SUMF1: variants seen among roughly 807,000 people sequenced by gnomAD.
The protein encoded by SUMF1 is sulfatase modifying factor 1.
In SUMF1, 48 loss-of-function variants were observed where a neutral mutation model predicts 47.6. The observed-to-expected ratio is 1.01, with a 90% CI of 0.80 to 1.28. SUMF1 has a LOEUF of 1.28. Ranked by LOEUF, SUMF1 falls within the 50% of genes most tolerant of loss-of-function variation. SUMF1 has a pLI of 0.00. For synonymous variants in SUMF1, 230 were observed against 192.1 expected, an observed-to-expected ratio of 1.20 and a Z score of -1.63; for missense variants, 571 against 485.4, an observed-to-expected ratio of 1.18 and a Z score of -1.66.
intron 8 of SUMF1, chr3:4,303,897 G>C: frequency 8.0e-7 from 1 of 1,243,122 alleles, no homozygotes; most frequent in Non-Finnish European, 1.0e-6. Context: ...CCTATTAATG[G>C]ATCGCAGCCG....
Position 4,041,927 on chromosome 3 carries a change from G to C in SUMF1, c.1191+26642C>G, listed in dbSNP as rs571054900. Among the ~76,000 whole-genome samples the C allele has an allele frequency of 1.6e-4, 25 of 152,230 alleles. 1 individual carries two copies. The highest frequency in any genetic ancestry group is 1.1e-3 in the Admixed American group (17 of 15,290). On this transcript the variant is annotated intron_variant and NMD_transcript_variant, in intron 9 of 12. Coordinates refer to the SUMF1 transcript ENST00000448413. ...GCTGTTCTTCCAGACCACATGAAAG[G>C]TACTGTCTCAGGCTCCTCATCTGGA...
At chr3:4,351,930 C>T (rs1333806078) in intron 8 of SUMF1, among the ~76,000 whole-genome samples, 1 of 152,166 alleles carries the variant, frequency 6.6e-6, no homozygotes, top group Admixed American at 6.5e-5. Flanking sequence ...TTTTCAAAAT[C>T]TGAAGAAGAA....
chr3:4,081,126 T>C (rs148712267), intron 8 of SUMF1, among the ~76,000 whole-genome samples: 1 of 152,234 alleles, frequency 6.6e-6, no homozygotes, highest in Non-Finnish European at 1.5e-5. Flanking sequence ...AACTTATGTA[T>C]TGCCTCCTAT....
chr3:4,115,612 C>G (rs143033606), intron 8 of SUMF1, among the ~76,000 whole-genome samples: 71 of 152,228 alleles, frequency 4.7e-4, no homozygotes, highest in Admixed American at 3.0e-3. Flanking sequence ...GCGAGCCACA[C>G]CCGCATCGCA....
intron 8 of SUMF1, among the ~76,000 whole-genome samples, chr3:4,134,137 C>T (rs562708091): frequency 6.6e-6 from 1 of 152,108 alleles, no homozygotes; most frequent in Non-Finnish European, 1.5e-5. Context: ...ATCTACAGAA[C>T]TCTCCACCAC....
chr3:4,151,718 AC>A (rs1286230189), intron 8 of SUMF1, among the ~76,000 whole-genome samples: 1 of 149,096 alleles, frequency 6.7e-6, no homozygotes, highest in Non-Finnish European at 1.5e-5. Flanking sequence ...AAAAAAAATC[AC>A]AAAAAAATCT....
At chr3:4,194,531 C>A (rs562997068) in intron 8 of SUMF1, among the ~76,000 whole-genome samples, 1 of 152,276 alleles carries the variant, frequency 6.6e-6, no homozygotes, top group East Asian at 1.9e-4. Context: ...ATAATATTTA[C>A]AGATATGGAT....
At chr3:4,045,455 C>G (rs902041251) in intron 9 of SUMF1, among the ~76,000 whole-genome samples, 5 of 151,698 alleles carry the variant, frequency 3.3e-5, no homozygotes, top group African/African-American at 1.2e-4. Flanking sequence ...TATACCTTGA[C>G]TGATACATGA....
At chr3:4,202,008 G>A (rs1307666733) in intron 8 of SUMF1, among the ~76,000 whole-genome samples, 1 of 151,666 alleles carries the variant, frequency 6.6e-6, no homozygotes. Flanking sequence ...GTTATTAATT[G>A]CTTGTCAGAT....
intron 7 of SUMF1, among the ~76,000 whole-genome samples, chr3:4,390,661 C>A (rs1251128105): frequency 1.3e-5 from 2 of 152,182 alleles, no homozygotes; most frequent in African/African-American, 4.8e-5. Flanking sequence ...TGGCTCACTG[C>A]AGCCTCAACT....
At chr3:4,315,473 A>G (rs1158993060) in intron 8 of SUMF1, among the ~76,000 whole-genome samples, 1 of 152,192 alleles carries the variant, frequency 6.6e-6, no homozygotes, top group Non-Finnish European at 1.5e-5. Flanking sequence ...TGCCTCTGCC[A>G]GAGACAACTG....
At chr3:4,049,710 G>A (rs984222411) in intron 9 of SUMF1, among the ~76,000 whole-genome samples, 7 of 152,066 alleles carry the variant, frequency 4.6e-5, no homozygotes, top group African/African-American at 1.2e-4. Context: ...CTTGCCATTC[G>A]CGGGCAGCTT....
intron 8 of SUMF1, among the ~76,000 whole-genome samples, chr3:4,352,905 T>A (rs1699534391): frequency 6.6e-6 from 1 of 152,158 alleles, no homozygotes; most frequent in South Asian, 2.1e-4. Flanking sequence ...TAAACCCAAT[T>A]CTTTTTGACC....
intron 8 of SUMF1, among the ~76,000 whole-genome samples, chr3:4,156,637 T>A (rs1380839945): frequency 2.0e-5 from 3 of 151,636 alleles, no homozygotes; most frequent in Non-Finnish European, 4.4e-5. Context: ...TTTCTATATT[T>A]AAGTCATATA....
chr3:4,080,342 G>A (rs529119837), intron 8 of SUMF1, among the ~76,000 whole-genome samples: 11 of 152,036 alleles, frequency 7.2e-5, no homozygotes, highest in Admixed American at 2.0e-4. Flanking sequence ...TCATATCAGC[G>A]GCATTCCACT....
intron 3 of SUMF1, among the ~76,000 whole-genome samples, chr3:4,427,606 G>A (rs1702108167): frequency 6.6e-6 from 1 of 152,106 alleles, no homozygotes; most frequent in African/African-American, 2.4e-5. Context: ...AGACTGCATG[G>A]GAGAGAAAAA....
intron 8 of SUMF1, among the ~76,000 whole-genome samples, chr3:4,159,286 T>A (rs1178854658): frequency 2.0e-5 from 3 of 147,346 alleles, no homozygotes; most frequent in Non-Finnish European, 4.5e-5. Context: ...TTTTTTTTTA[T>A]TTTTTGTGCA....
intron 8 of SUMF1, among the ~76,000 whole-genome samples, chr3:4,118,307 G>GT (rs1693466425): frequency 6.6e-6 from 1 of 151,734 alleles, no homozygotes; most frequent in Admixed American, 6.6e-5. Flanking sequence ...TCATGAAGAT[G>GT]TAAGTGTCAT....
chr3:4,267,775 T>G (rs1170767835), intron 8 of SUMF1, among the ~76,000 whole-genome samples: 9 of 149,836 alleles, frequency 6.0e-5, no homozygotes, highest in East Asian at 3.9e-4. Flanking sequence ...GGAACACTTT[T>G]ACACTGTTGG....
Sources: gnomAD v4.1 joint callset for allele counts (sites outside exome capture counted in the v4.1 genomes callset) on GRCh38, gnomAD v4.1.1 for gene constraint, MANE v1.5 for transcripts, NCBI Gene and HGNC (gene_info 2026-07-23, HGNC 2026-07-21) for gene names.